RIMS1: variants seen among roughly 807,000 people sequenced by gnomAD.
The protein encoded by RIMS1 is regulating synaptic membrane exocytosis protein 1.
A neutral mutation model predicts 214.1 loss-of-function variants in RIMS1; 83 were observed. That is an observed-to-expected ratio of 0.39 (90% CI 0.32 to 0.47). The LOEUF is 0.47. RIMS1 is among the 20% of genes least tolerant of loss of function. The probability of loss-of-function intolerance (pLI) is 0.99; values close to 1 mark genes in which losing one functional copy is unlikely to be tolerated. For synonymous variants in RIMS1, 793 were observed against 786.8 expected (o/e 1.01, Z -0.13); for missense variants, 2,050 against 2,161.8 (o/e 0.95, Z 1.03).
At chr6:71,908,862 A>G (rs1281536311) in intron 1 of RIMS1, among the ~76,000 whole-genome samples, 1 of 152,218 alleles carries the variant, frequency 6.6e-6, no homozygotes, top group Admixed American at 6.5e-5. Context: ...TCAATGAGTA[A>G]AAGTGTTTGT....
chr6:71,972,926 T>C (rs949625050), intron 2 of RIMS1, among the ~76,000 whole-genome samples: 14 of 152,210 alleles, frequency 9.2e-5, no homozygotes, highest in Admixed American at 3.9e-4. Context: ...TTTGTTTGTT[T>C]GTTTTTTGAG....
At chr6:72,323,655 G>C (rs2096285892) in intron 28 of RIMS1, among the ~76,000 whole-genome samples, 1 of 151,716 alleles carries the variant, frequency 6.6e-6, no homozygotes, top group Admixed American at 6.6e-5. Flanking sequence ...AGCAACACTT[G>C]AATACTGAAT....
chr6:72,233,027 A>G (rs893352372), intron 6 of RIMS1, among the ~76,000 whole-genome samples: 1 of 151,806 alleles, frequency 6.6e-6, no homozygotes, highest in African/African-American at 2.4e-5. Flanking sequence ...TGCTTTCCCT[A>G]ATATCTCTTC....
intron 1 of RIMS1, among the ~76,000 whole-genome samples, chr6:71,929,636 G>A (rs561986262): frequency 2.3e-4 from 35 of 152,040 alleles, no homozygotes; most frequent in African/African-American, 7.9e-4. Flanking sequence ...GAGAAGATTT[G>A]GAATGGAATG....
rs572756624 is a variant in RIMS1, at chr6:72,146,749, T to C, written c.472-32826T>C. 1.3e-4 allele frequency among the ~76,000 whole-genome samples: 20 copies of C among 152,368 alleles called. 1 individual carries two copies. Among genetic ancestry groups the C allele is most frequent in the Non-Finnish European group, 2.8e-4 (19 of 68,046 alleles). ...CCTCTAACCTAGACAAAAATTTATA[T>C]TCCCATGCCTTCTTATAATCTTTTA... On this transcript the variant is annotated intron_variant, in intron 4 of 33. Transcript: ENST00000521978.
intron 19 of RIMS1, chr6:72,262,564 A>T (rs144827450): frequency 1.0e-6 from 1 of 982,490 alleles, no homozygotes; most frequent in East Asian, 1.1e-4. Context: ...AAGTATGGAG[A>T]TAGAGACAAC....
intron 6 of RIMS1, 108 bp downstream of exon 6, chr6:72,183,257 C>G (rs1170417559): frequency 4.6e-6 from 5 of 1,080,410 alleles, no homozygotes; most frequent in Non-Finnish European, 6.7e-6. Flanking sequence ...GCTGGGAATG[C>G]TCACAGATAA....
chr6:72,265,976 C>A lies in RIMS1; in HGVS notation c.3325C>A (p.Leu1109Ile). 1.3e-6 allele frequency: 2 copies of A among 1,576,112 alleles called. No individual in the cohort carries two copies. Among genetic ancestry groups the A allele is most frequent in the East Asian group, 2.3e-5 (1 of 43,262 alleles). The change falls in exon 22 of 34, where the codon CTT (leucine) becomes ATT (isoleucine). Residue 1109 changes from leucine to isoleucine, a missense_variant. By Grantham distance (5) the Leu-to-Ile change is conservative. Transcript: ENST00000521978. ...TGGCACTAGTGAACTGCAGCCCTTT[C>A]TTGACAGGGCTAGGAGTGCTAGTAC... ...EILVSELQPF[L>I]DRARSASTNC...
chr6:72,274,083 A>T (rs1563382679), intron 22 of RIMS1, among the ~76,000 whole-genome samples: 1 of 152,212 alleles, frequency 6.6e-6, no homozygotes, highest in Non-Finnish European at 1.5e-5. Context: ...TTGGAAGAAA[A>T]AAACTACACT....
At chr6:72,258,368 A>G (rs2076726675) in intron 17 of RIMS1, 87 bp downstream of exon 17, 1 of 1,299,860 alleles carries the variant, frequency 7.7e-7, no homozygotes, top group South Asian at 1.7e-5. Context: ...CTGAAATGAA[A>G]AAATAGTTTG....
rs552329830 is a variant in RIMS1, at chr6:71,964,499, A to G, written c.165-4484A>G. Among the ~76,000 whole-genome samples the G allele has an allele frequency of 3.3e-5, 5 of 152,318 alleles. No individual in the cohort carries two copies. In the East Asian group the frequency reaches 9.7e-4, roughly 29 times the overall value. On this transcript the variant is annotated intron_variant, in intron 1 of 33. Coordinates refer to ENST00000521978, the MANE Select transcript of RIMS1 (RefSeq NM_014989.7). Reference sequence around the variant, plus strand: ...AATATTGGCTCAGGACAGGGTGGCAATAGTGGAGGGGCTGATAAGTGGTCA... The same window carrying G: ...AATATTGGCTCAGGACAGGGTGGCAGTAGTGGAGGGGCTGATAAGTGGTCA...
chr6:72,222,828 A>G (rs2058935572), intron 6 of RIMS1, among the ~76,000 whole-genome samples: 2 of 152,158 alleles, frequency 1.3e-5, no homozygotes, highest in Non-Finnish European at 2.9e-5. Flanking sequence ...TTTTAACATC[A>G]ATGTTTTGCC....
intron 4 of RIMS1, among the ~76,000 whole-genome samples, chr6:72,140,031 G>A (rs571626455): frequency 6.6e-6 from 1 of 152,088 alleles, no homozygotes; most frequent in Non-Finnish European, 1.5e-5. Context: ...TCCAGACAGG[G>A]AACAGCTTAC....
intron 6 of RIMS1, among the ~76,000 whole-genome samples, chr6:72,206,826 C>T (rs1263254926): frequency 1.3e-5 from 2 of 152,158 alleles, no homozygotes; most frequent in African/African-American, 2.4e-5. Flanking sequence ...GACATTGCAG[C>T]GACAGTAGCC....
intron 2 of RIMS1, among the ~76,000 whole-genome samples, chr6:71,990,009 C>T (rs1801119908): frequency 6.6e-6 from 1 of 152,192 alleles, no homozygotes; most frequent in South Asian, 2.1e-4. Context: ...ACTGTTCAGC[C>T]CCCAGGTCTC....
At chr6:72,328,184 C>A (rs1201196420) in intron 28 of RIMS1, among the ~76,000 whole-genome samples, 1 of 151,838 alleles carries the variant, frequency 6.6e-6, no homozygotes, top group Admixed American at 6.6e-5. Flanking sequence ...AATCATCATT[C>A]TCAGCAAACT....
intron 2 of RIMS1, among the ~76,000 whole-genome samples, chr6:72,022,159 T>C (rs1168634608): frequency 1.3e-5 from 2 of 152,226 alleles, no homozygotes. Flanking sequence ...TAGTGTGTGA[T>C]GTTTTAACTT....
chr6:72,038,372 G>A (rs992673135), intron 2 of RIMS1, among the ~76,000 whole-genome samples: 2 of 151,676 alleles, frequency 1.3e-5, no homozygotes, highest in Non-Finnish European at 2.9e-5. Flanking sequence ...CCATACAAAA[G>A]ATAGTATTCA....
chr6:71,961,432 A>G (rs1792926744), intron 1 of RIMS1, among the ~76,000 whole-genome samples: 2 of 151,510 alleles, frequency 1.3e-5, no homozygotes, highest in Admixed American at 6.6e-5. Context: ...TCCCTTTCCC[A>G]TGGGTAATTA....
Sources: allele counts gnomAD v4.1 joint callset (sites outside exome capture counted in the v4.1 genomes callset), GRCh38; gene constraint gnomAD v4.1.1; transcripts MANE v1.5; gene names NCBI Gene and HGNC (gene_info 2026-07-23, HGNC 2026-07-21).